Variants in WFS1 observed in about 807,000 individuals in gnomAD.
The protein encoded by WFS1 is wolframin ER transmembrane glycoprotein, also known as wolframin.
WFS1 carries 90 observed loss-of-function variants against 68.5 expected under a neutral mutation model. That is an observed-to-expected ratio of 1.31 (90% CI 1.11 to 1.56). The LOEUF (loss-of-function observed/expected upper bound fraction) is 1.56. WFS1 is among the 40% of genes most tolerant of loss of function. The pLI is 0.00. For missense variants in WFS1, 1,767 were observed against 1,232.6 expected (o/e 1.43, Z -6.49); for synonymous variants, 860 against 540.7 (o/e 1.59, Z -8.19).
rs745487241 is a variant in WFS1, at chr4:6,300,977, G to A, written c.1182G>A (p.Glu394=). The change falls in exon 8 of 8, where the codon GAG becomes GAA. Residue 394 remains glutamate, a synonymous_variant. Transcript: ENST00000226760. ...FEPNLDVEQA[E]VNFGWNHLEP... Reference sequence around the variant, plus strand: ...CCAACCTGGATGTGGAGCAGGCCGAGGTCAACTTCGGCTGGAACCACCTGG... The same window carrying A: ...CCAACCTGGATGTGGAGCAGGCCGAAGTCAACTTCGGCTGGAACCACCTGG... 5 of 1,613,966 alleles carry A rather than the reference G, an allele frequency of 3.1e-6. No homozygotes were observed. Among genetic ancestry groups the A allele is most frequent in the Non-Finnish European group, 4.2e-6 (5 of 1,180,010 alleles).
intron 7 of WFS1, among the ~76,000 whole-genome samples, chr4:6,299,181 C>CT (rs1003007668): frequency 6.6e-6 from 1 of 152,206 alleles, no homozygotes; most frequent in African/African-American, 2.4e-5. Flanking sequence ...CTCAGGGCCT[C>CT]TGAGTTCTGC....
intron 7 of WFS1, among the ~76,000 whole-genome samples, chr4:6,300,397 G>A (rs1560417407): frequency 1.3e-5 from 2 of 152,046 alleles, no homozygotes; most frequent in South Asian, 2.1e-4. Flanking sequence ...ATCTAGTCAC[G>A]CTGGTAGAAG....
At chr4:6,300,579 G>T in intron 7 of WFS1, 78 bp from the exon 8 acceptor site, 2 of 1,599,604 alleles carry the variant, frequency 1.3e-6, no homozygotes, top group Non-Finnish European at 1.7e-6. Context: ...CAGAGGCAGG[G>T]TGGTCAGAGG....
rs372249044 is a variant in WFS1, at chr4:6,289,068, G to A, written c.397G>A (p.Ala133Thr). 2.5e-5 allele frequency: 40 copies of A among 1,592,238 alleles called. No homozygotes were observed. Among genetic ancestry groups the A allele is most frequent in the Non-Finnish European group, 3.3e-5 (39 of 1,170,374 alleles). ...CACCGCTGTGGACTGGCTGGTCCTC[G>A]CCGCGAAGCAGGGCCGTCGCGAGGC... ...SCTAVDWLVL[A>T]AKQGRREAVK... is the part of the protein sequence containing the mutation. Residue 133 changes from alanine to threonine, a missense_variant, in exon 4 of 8, where the codon GCC becomes ACC. By Grantham distance (58) the Ala-to-Thr change is moderately conservative (BLOSUM62 0). Transcript: ENST00000226760.
chr4:6,301,601 G>T lies in WFS1; in HGVS notation c.1806G>T (p.Ala602=), dbSNP rs142295878. The T allele has an allele frequency of 1.3e-5, 21 of 1,614,006 alleles. No individual in the cohort carries two copies. The East Asian group carries it at 2.9e-4, about 22-fold the overall frequency. ...LELTKIAVTV[A]VCSVPLLLRW... is the part of the protein sequence containing the mutation. ...TCACCAAGATCGCAGTCACCGTGGC[G>T]GTCTGTAGTGTGCCCCTGCTGTTGC... Residue 602 remains alanine (A), a synonymous_variant, in exon 8 of 8, where the codon GCG becomes GCT. Transcript: ENST00000226760.
rs182878727 is a variant in WFS1, at chr4:6,299,232, G to A, written c.862-1425G>A. ...ATGAGGGCTGGCCCTGGGTGGCAGC[G>A]CTGCTTCACCCCATCCTGAGGCTGC... is the stretch of plus-strand genomic sequence containing the variant. On this transcript the variant is annotated intron_variant, in intron 7 of 7. Coordinates refer to ENST00000226760, the MANE Select transcript of WFS1 (RefSeq NM_006005.3). 2.9e-3 allele frequency among the ~76,000 whole-genome samples: 441 copies of A among 152,332 alleles called. 1 individual carries two copies. The highest frequency in any genetic ancestry group is 9.3e-3 in the African/African-American group (385 of 41,570).
intron 7 of WFS1, among the ~76,000 whole-genome samples, chr4:6,295,778 G>A (rs1212850272): frequency 6.6e-6 from 1 of 152,144 alleles, no homozygotes; most frequent in Non-Finnish European, 1.5e-5. Flanking sequence ...AGCGGGGAGC[G>A]GGAAGCCCAG....
rs73795956 is a variant in WFS1 at position 6,297,505 on chromosome 4, G to C, written c.861+2316G>C. Among the ~76,000 whole-genome samples the C allele has an allele frequency of 9.2e-3, 1,393 of 152,238 alleles. 27 individuals are homozygous for C. The highest frequency in any genetic ancestry group is 0.031 in the African/African-American group (1,279 of 41,538). On this transcript the variant is annotated intron_variant, in intron 7 of 7. Transcript: ENST00000226760. ...AAAACAAACTTAATATCTTAAAATC[G>C]TAACATTTTTAACATTACATAATTG...
At position 6,301,991 on chromosome 4, in the gene WFS1, C is replaced by T; in HGVS notation, c.2196C>T (p.Arg732=). Residue 732 remains arginine (R), a synonymous_variant, in exon 8 of 8, where the codon CGC becomes CGT. Coordinates refer to ENST00000226760, the MANE Select transcript of WFS1 (RefSeq NM_006005.3). ...MLPFFIGDWM[R]CLYGEAYPAC... is the part of the protein sequence containing the mutation. ...CGTTCTTCATCGGCGACTGGATGCG[C>T]TGCCTCTACGGCGAGGCCTACCCTG... is the stretch of plus-strand genomic sequence containing the variant. 1 of 1,612,778 alleles carries T rather than the reference C, an allele frequency of 6.2e-7. No homozygotes were observed. The highest frequency in any genetic ancestry group is 8.5e-7 in the Non-Finnish European group (1 of 1,179,938).
At chr4:6,277,808 C>A in intron 2 of WFS1, 121 bp downstream of exon 2, 1 of 1,170,652 alleles carries the variant, frequency 8.5e-7, no homozygotes, top group Non-Finnish European at 1.2e-6. Flanking sequence ...CATTGTGCAG[C>A]TCCCATGCTG....
rs949287028 is a variant in WFS1 at position 6,283,817 on chromosome 4, T to C, written c.233-3276T>C. The stretch of plus-strand genomic sequence containing the variant: ...GTGGCGGGGTTCCCCAAAAGGGACA[T>C]CAAGGTGCAGTCATCAGAAAAAGCA... On this transcript the variant is annotated intron_variant, in intron 2 of 7. Transcript: ENST00000226760. This position sits in a 1 kb window ranked among gnomAD's most constrained non-coding sequence, Gnocchi z 5.0. 1.9e-4 allele frequency among the ~76,000 whole-genome samples: 29 copies of C among 151,362 alleles called. No homozygotes were observed. Among genetic ancestry groups the C allele is most frequent in the Non-Finnish European group, 8.8e-5 (6 of 67,920 alleles).
intron 7 of WFS1, among the ~76,000 whole-genome samples, chr4:6,296,180 C>G (rs577326525): frequency 6.6e-6 from 1 of 152,306 alleles, no homozygotes; most frequent in Admixed American, 6.5e-5. Flanking sequence ...TCACCGTCCT[C>G]GAGCCAGGGA....
chr4:6,273,125 G>GC (rs530624919), intron 1 of WFS1, among the ~76,000 whole-genome samples: 5 of 152,130 alleles, frequency 3.3e-5, no homozygotes, highest in South Asian at 4.2e-4. Context: ...AGATGGGGTT[G>GC]CCCCCCCAGA....
intron 7 of WFS1, among the ~76,000 whole-genome samples, chr4:6,300,131 C>T (rs1730821666): frequency 6.6e-6 from 1 of 152,074 alleles, no homozygotes; most frequent in South Asian, 2.1e-4. Flanking sequence ...ACTCCCTTTC[C>T]CTAATGCTTG....
At position 6,291,309 on chromosome 4, in the gene WFS1, G is replaced by A. The variant is rs757827695; in HGVS notation, c.573G>A (p.Lys191=). Residue 191 remains lysine (K), a synonymous_variant, in exon 5 of 8, where the codon AAG becomes AAA. Transcript: ENST00000226760. Reference sequence around the variant, plus strand: ...TGTACTGGAAGCTCAACCCCAAGAAGAAGAAGCAGGTGGCCGTGGCGGAGC... The same window carrying A: ...TGTACTGGAAGCTCAACCCCAAGAAAAAGAAGCAGGTGGCCGTGGCGGAGC... ...LVMYWKLNPK[K]KKQVAVAELL... The A allele has an allele frequency of 1.9e-6, 3 of 1,613,586 alleles. No individual in the cohort carries two copies. The highest frequency in any genetic ancestry group is 2.2e-5 in the South Asian group (2 of 91,070).
intron 1 of WFS1, among the ~76,000 whole-genome samples, chr4:6,271,182 C>T (rs1729827947): frequency 6.6e-6 from 1 of 152,220 alleles, no homozygotes; most frequent in South Asian, 2.1e-4. Flanking sequence ...ACTTCTGTGT[C>T]CAAGGGTCTG....
At position 6,302,474 on chromosome 4, in the gene WFS1, G is replaced by A; in HGVS notation, c.*6G>A. ...CATTCCTGTCGGCGGCCTGAGGATG[G>A]TCCGCCACGAGGAGCTTCCAGTGCA... On this transcript the variant is annotated 3_prime_UTR_variant, in exon 8 of 8. Coordinates refer to ENST00000226760, the MANE Select transcript of WFS1 (RefSeq NM_006005.3). The A allele has an allele frequency of 6.2e-7, 1 of 1,612,396 alleles. No individual in the cohort carries two copies. Among genetic ancestry groups the A allele is most frequent in the Non-Finnish European group, 8.5e-7 (1 of 1,180,028 alleles).
intron 1 of WFS1, among the ~76,000 whole-genome samples, chr4:6,275,567 G>A (rs1729968120): frequency 8.2e-6 from 1 of 122,570 alleles, no homozygotes; most frequent in Non-Finnish European, 1.6e-5. Flanking sequence ...GACCATGCAT[G>A]GTTTGCACCT....
rs1012198384 is a variant in WFS1 at position 6,283,944 on chromosome 4, C to T, written c.233-3149C>T. On this transcript the variant is annotated intron_variant, in intron 2 of 7. Coordinates refer to ENST00000226760, the MANE Select transcript of WFS1 (RefSeq NM_006005.3). This position sits in a 1 kb window ranked among gnomAD's most constrained non-coding sequence, Gnocchi z 5.0. ...TGGGGGTGATCTTTCTGGCACTGAG[C>T]AGTGAGCATGCTGGGATTTGCCTTT... is the stretch of plus-strand genomic sequence containing the variant. Among the ~76,000 whole-genome samples the T allele has an allele frequency of 6.6e-6, 1 of 152,060 alleles. No individual in the cohort carries two copies. Among genetic ancestry groups the T allele is most frequent in the African/African-American group, 2.4e-5 (1 of 41,386 alleles).
Sources: gnomAD v4.1 joint callset for allele counts (sites outside exome capture counted in the v4.1 genomes callset) on GRCh38, gnomAD v4.1.1 for gene constraint, Gnocchi (gnomAD v3.1) non-coding constraint, MANE v1.5 for transcripts, NCBI Gene and HGNC (gene_info 2026-07-23, HGNC 2026-07-21) for gene names.